The following LAMA4 variants were observed in gnomAD, a reference collection of about 807,000 sequenced individuals.
LAMA4 encodes the protein laminin subunit alpha-4.
LAMA4 carries 127 observed loss-of-function variants against 207.1 expected under a neutral mutation model. The observed-to-expected ratio is 0.61, with a 90% CI of 0.53 to 0.71. LAMA4 has a LOEUF of 0.71. Among genes scored for constraint, LAMA4 ranks in the 30% least tolerant of loss-of-function variants. The pLI is 0.00. For missense variants in LAMA4, 2,093 were observed against 2,246.5 expected (o/e 0.93, Z 1.38); for synonymous variants, 761 against 816.0 (o/e 0.93, Z 1.15).
chr6:112,138,075 C>T (rs1375290278), intron 24 of LAMA4, among the ~76,000 whole-genome samples: 1 of 152,072 alleles, frequency 6.6e-6, no homozygotes, highest in African/African-American at 2.4e-5. Flanking sequence ...CCTACAAAAA[C>T]TCTCCTATCA....
chr6:112,229,892 A>C (rs576282953), intron 2 of LAMA4, among the ~76,000 whole-genome samples: 1 of 152,312 alleles, frequency 6.6e-6, no homozygotes, highest in African/African-American at 2.4e-5. Flanking sequence ...TCAACTAGTC[A>C]ATTTTGATAG....
chr6:112,142,507 G>A (rs528479148), intron 19 of LAMA4, among the ~76,000 whole-genome samples: 2 of 152,138 alleles, frequency 1.3e-5, no homozygotes, highest in East Asian at 3.9e-4. Context: ...AAAAAGTGGT[G>A]ACTAAGTAGA....
At chr6:112,215,349 T>G (rs1390309652) in intron 3 of LAMA4, among the ~76,000 whole-genome samples, 2 of 152,190 alleles carry the variant, frequency 1.3e-5, no homozygotes, top group African/African-American at 4.8e-5. Flanking sequence ...GGGTTAAAGA[T>G]CAATAAAAAC....
At chr6:112,188,986 G>T in intron 7 of LAMA4, 124 bp downstream of exon 7, 1 of 723,794 alleles carries the variant, frequency 1.4e-6, no homozygotes, top group East Asian at 2.7e-5. Flanking sequence ...GGTGCAGAAA[G>T]GGTTAAGTCC....
At chr6:112,218,160 TATAAGAGTAGTGG>T (rs1784734376) in intron 2 of LAMA4, 2 of 152,200 alleles carry the variant, frequency 1.3e-5, no homozygotes, top group Non-Finnish European at 2.9e-5. Context: ...GGGTTTTCTT[TATAAGAGTAGTGG>T]GTAAGAGTAG....
At chr6:112,139,074 G>A (rs1212843662) in intron 24 of LAMA4, 46 bp downstream of exon 24, 1 of 1,574,696 alleles carries the variant, frequency 6.4e-7, no homozygotes, top group East Asian at 2.2e-5. Context: ...GTAGCAGAAA[G>A]TAAAGGAAAT....
intron 31 of LAMA4, among the ~76,000 whole-genome samples, chr6:112,127,225 A>G (rs1253653101): frequency 6.6e-6 from 1 of 152,126 alleles, no homozygotes; most frequent in Non-Finnish European, 1.5e-5. Flanking sequence ...TAAACATAAT[A>G]AAGAAAGCAT....
intron 31 of LAMA4, among the ~76,000 whole-genome samples, chr6:112,127,468 G>C (rs1296666672): frequency 6.6e-6 from 1 of 151,926 alleles, no homozygotes; most frequent in Non-Finnish European, 1.5e-5. Flanking sequence ...TAAGGTAGGA[G>C]TACACATGGC....
chr6:112,179,345 C>G (rs1374745853), intron 9 of LAMA4: 1 of 152,234 alleles, frequency 6.6e-6, no homozygotes, highest in Non-Finnish European at 1.5e-5. Context: ...GCTAGGACAC[C>G]ACCCTGTATG....
At chr6:112,119,908 C>T (rs1287621515) in intron 33 of LAMA4, among the ~76,000 whole-genome samples, 3 of 152,170 alleles carry the variant, frequency 2.0e-5, no homozygotes, top group East Asian at 3.9e-4. Context: ...ACTGTGGTAT[C>T]CTATCTTCCT....
chr6:112,225,421 A>G (rs1360424362), intron 2 of LAMA4, among the ~76,000 whole-genome samples: 1 of 152,268 alleles, frequency 6.6e-6, no homozygotes, highest in Non-Finnish European at 1.5e-5. Context: ...CATTAAAGTA[A>G]TTTTTGGAAA....
chr6:112,223,948 T>TC (rs1391938744), intron 2 of LAMA4, among the ~76,000 whole-genome samples: 1 of 152,248 alleles, frequency 6.6e-6, no homozygotes, highest in Non-Finnish European at 1.5e-5. Context: ...GTCTTTTTTT[T>TC]CTAAATTCCC....
intron 9 of LAMA4, among the ~76,000 whole-genome samples, chr6:112,181,899 C>T (rs1388878224): frequency 6.6e-6 from 1 of 151,976 alleles, no homozygotes; most frequent in Non-Finnish European, 1.5e-5. Context: ...GAATTTGAGA[C>T]CAACCTGACC....
intron 9 of LAMA4, chr6:112,180,036 T>A (rs1782261326): frequency 2.3e-6 from 1 of 426,034 alleles, no homozygotes; most frequent in Non-Finnish European, 4.7e-6. Flanking sequence ...TCCCTGCTTT[T>A]AAAAAATACG....
intron 2 of LAMA4, among the ~76,000 whole-genome samples, chr6:112,241,168 T>TAGGA (rs1554187627): frequency 5.6e-5 from 5 of 88,922 alleles, no homozygotes; most frequent in African/African-American, 9.5e-5. Context: ...TATGAATATA[T>TAGGA]ATGAATATAT....
intron 10 of LAMA4, among the ~76,000 whole-genome samples, chr6:112,177,007 C>T (rs180849475): frequency 2.2e-4 from 34 of 152,284 alleles, no homozygotes; most frequent in Middle Eastern, 6.8e-3. Context: ...TACTAGGGTC[C>T]TGGCATTTGC....
intron 12 of LAMA4, among the ~76,000 whole-genome samples, chr6:112,169,482 C>T (rs1781588719): frequency 6.6e-6 from 1 of 152,114 alleles, no homozygotes; most frequent in Admixed American, 6.5e-5. Flanking sequence ...AGGATGCAGA[C>T]CCACAAATAA....
At chr6:112,212,449 C>G (rs1784404405) in intron 3 of LAMA4, among the ~76,000 whole-genome samples, 1 of 152,132 alleles carries the variant, frequency 6.6e-6, no homozygotes, top group Non-Finnish European at 1.5e-5. Flanking sequence ...GTCTCGAACA[C>G]CTGACCTCAG....
At chr6:112,125,565 C>G (rs1554327398) in intron 31 of LAMA4, among the ~76,000 whole-genome samples, 2 of 152,172 alleles carry the variant, frequency 1.3e-5, no homozygotes. Context: ...AAACTTGAAA[C>G]ATAAACATTG....
Sources: gnomAD v4.1 joint callset for allele counts (sites outside exome capture counted in the v4.1 genomes callset) on GRCh38, gnomAD v4.1.1 for gene constraint, MANE v1.5 for transcripts, NCBI Gene and HGNC (gene_info 2026-07-23, HGNC 2026-07-21) for gene names.